Variants in DCBLD1 observed in about 807,000 individuals in gnomAD.
DCBLD1 encodes the protein discoidin, CUB and LCCL domain containing 1.
DCBLD1 carries 57 observed loss-of-function variants against 71.5 expected under a neutral mutation model. The observed-to-expected ratio is 0.80, with a 90% CI of 0.64 to 0.99. The LOEUF (loss-of-function observed/expected upper bound fraction) is 0.99, where lower values mean the gene tolerates loss of function less well. DCBLD1 is among the 50% of genes least tolerant of loss of function. The probability of loss-of-function intolerance (pLI) is 0.00; values close to 1 mark genes in which losing one functional copy is unlikely to be tolerated. For missense variants in DCBLD1, 891 were observed against 923.5 expected (o/e 0.96, Z 0.46); for synonymous variants, 380 against 363.8 (o/e 1.04, Z -0.51).
intron 8 of DCBLD1, 100 bp from the exon 9 acceptor site, chr6:117,539,155 G>A: frequency 9.0e-7 from 1 of 1,111,322 alleles, no homozygotes; most frequent in South Asian, 1.8e-5. Flanking sequence ...GATGATCTGA[G>A]GTTTCAAATG....
intron 2 of DCBLD1, among the ~76,000 whole-genome samples, chr6:117,513,896 GT>G (rs1235578487): frequency 3.0e-5 from 4 of 132,372 alleles, no homozygotes; most frequent in African/African-American, 1.1e-4. Flanking sequence ...CTTTTTAAAA[GT>G]CAGGAGACCT....
At position 117,548,676 on chromosome 6, in the gene DCBLD1, A is replaced by G. The variant is rs1396391678; in HGVS notation, c.*237A>G. 71 of 1,413,130 alleles carry G rather than the reference A, an allele frequency of 5.0e-5. No individual in the cohort carries two copies. Among genetic ancestry groups the G allele is most frequent in the Non-Finnish European group, 6.5e-5 (71 of 1,089,848 alleles). The allele number at this position is 1,413,130 out of a possible 1,614,324, so 87.5% of individuals were successfully genotyped here. A position where few individuals can be genotyped will look rare whatever the true frequency, so the allele number is the denominator to read the frequency against. ...TGTTGGGTTTTGTTGGGCTAGAAAA[A>G]TGAAAATTTTCAGATGGCGTTTTCA... is the stretch of plus-strand genomic sequence containing the variant. On this transcript the variant is annotated 3_prime_UTR_variant, in exon 15 of 15. Transcript: ENST00000338728.
intron 2 of DCBLD1, among the ~76,000 whole-genome samples, chr6:117,514,177 A>G (rs1778114656): frequency 6.6e-6 from 1 of 152,174 alleles, no homozygotes; most frequent in Non-Finnish European, 1.5e-5. Flanking sequence ...CGTCTGTCAG[A>G]CCTTGAGACA....
chr6:117,563,837 T>C (rs1779639319), intron 14 of DCBLD1, among the ~76,000 whole-genome samples: 1 of 152,160 alleles, frequency 6.6e-6, no homozygotes. Context: ...ATGCCTTATA[T>C]TAATCAAATC....
chr6:117,560,242 A>T (rs1187982155), intron 14 of DCBLD1: 1 of 170,088 alleles, frequency 5.9e-6, no homozygotes, highest in East Asian at 1.1e-4. Flanking sequence ...TAATAGAACT[A>T]CTAGAAATAA....
rs1777743599 is a variant in DCBLD1, at chr6:117,503,812, T to C, written c.158T>C (p.Met53Thr). 1 of 1,614,094 alleles carries C rather than the reference T, an allele frequency of 6.2e-7. No homozygotes were observed. The highest frequency in any genetic ancestry group is 8.5e-7 in the Non-Finnish European group (1 of 1,179,998). Residue 53 changes from methionine to threonine, a missense_variant, in exon 2 of 15, where the codon ATG becomes ACG. By Grantham distance (81) the Met-to-Thr change is moderately conservative (BLOSUM62 -1). Coordinates refer to ENST00000338728, the MANE Select transcript of DCBLD1 (RefSeq NM_001366458.2). ...GTGACTTATCAGGATAGTGGCACAATGACATCTAAGAATTATCCCGGGACC... is the reference window on the plus strand; with the variant it reads ...GTGACTTATCAGGATAGTGGCACAACGACATCTAAGAATTATCCCGGGACC... ...HLVTYQDSGT[M>T]TSKNYPGTYP...
chr6:117,559,708 T>G (rs1482101393), intron 14 of DCBLD1, among the ~76,000 whole-genome samples: 1 of 152,204 alleles, frequency 6.6e-6, no homozygotes, highest in Non-Finnish European at 1.5e-5. Flanking sequence ...ACTTTTAAAG[T>G]GTTTCTTTAA....
downstream of DCBLD1, among the ~76,000 whole-genome samples, chr6:117,550,208 T>G (rs1206647281): frequency 6.6e-6 from 1 of 152,166 alleles, no homozygotes; most frequent in African/African-American, 2.4e-5. Flanking sequence ...ACAGTTCTTC[T>G]GCGGCACTAG....
At position 117,519,850 on chromosome 6, in the gene DCBLD1, A is replaced by G; in HGVS notation, c.360A>G (p.Glu120=). Residue 120 remains glutamate, a synonymous_variant, in exon 3 of 15, where the codon GAA becomes GAG. Transcript: ENST00000338728. The stretch of plus-strand genomic sequence containing the variant: ...GTGGAAGTATGACTGTTCCCAAAGA[A>G]CTCTTGTTGAACACAAGTGAAGTAA... ...PYCGSMTVPK[E]LLLNTSEVTV... is the part of the protein sequence containing the mutation. 6.2e-7 allele frequency: 1 copy of G among 1,613,938 alleles called. No individual in the cohort carries two copies. Among genetic ancestry groups the G allele is most frequent in the Non-Finnish European group, 8.5e-7 (1 of 1,179,908 alleles).
chr6:117,554,850 G>A (rs1441435388), intron 14 of DCBLD1, among the ~76,000 whole-genome samples: 1 of 149,912 alleles, frequency 6.7e-6, no homozygotes, highest in Non-Finnish European at 1.5e-5. Context: ...CCGAGATCGA[G>A]TCACTGCACT....
intron 6 of DCBLD1, among the ~76,000 whole-genome samples, chr6:117,532,778 C>T (rs1482313411): frequency 6.6e-6 from 1 of 152,166 alleles, no homozygotes; most frequent in African/African-American, 2.4e-5. Flanking sequence ...ACTGAGCTCC[C>T]TAGAACACTC....
At chr6:117,542,830 G>T (rs777990785) in intron 11 of DCBLD1, among the ~76,000 whole-genome samples, 7 of 152,058 alleles carry the variant, frequency 4.6e-5, no homozygotes, top group African/African-American at 1.2e-4. Context: ...CCTCATTTCA[G>T]ATTTTTGGAG....
chr6:117,490,594 A>C (rs75609373), intron 1 of DCBLD1, among the ~76,000 whole-genome samples: 4,642 of 152,300 alleles, frequency 0.03, 80 homozygotes, highest in Non-Finnish European at 0.037. Flanking sequence ...AAGTATCAGA[A>C]AGGTAAGGTG....
intron 14 of DCBLD1, chr6:117,561,528 T>C (rs906429877): frequency 2.3e-5 from 5 of 214,388 alleles, no homozygotes; most frequent in African/African-American, 6.8e-5. Context: ...GCAGATCTCA[T>C]GTCATGCATG....
chr6:117,487,469 A>G (rs1474732256), intron 1 of DCBLD1, among the ~76,000 whole-genome samples: 1 of 152,080 alleles, frequency 6.6e-6, no homozygotes, highest in Non-Finnish European at 1.5e-5. Context: ...TAGCGAAAAT[A>G]CAATAAAACT....
intron 2 of DCBLD1, among the ~76,000 whole-genome samples, chr6:117,509,618 A>G (rs1278127127): frequency 6.6e-6 from 1 of 151,590 alleles, no homozygotes; most frequent in Non-Finnish European, 1.5e-5. Flanking sequence ...CCCTCTTCCC[A>G]GCCGCCTCTT....
chr6:117,503,328 A>G (rs1159340789), intron 1 of DCBLD1, among the ~76,000 whole-genome samples: 3 of 152,232 alleles, frequency 2.0e-5, no homozygotes. Flanking sequence ...TCAGATTCTA[A>G]CAGGAGCATT....
chr6:117,543,836 C>T (rs747795775), intron 12 of DCBLD1, among the ~76,000 whole-genome samples: 1 of 152,130 alleles, frequency 6.6e-6, no homozygotes, highest in Non-Finnish European at 1.5e-5. Flanking sequence ...CAAGCTGCCC[C>T]GTAACTCAGC....
chr6:117,567,465 C>A (rs1017428744), intron 14 of DCBLD1, among the ~76,000 whole-genome samples: 2 of 151,972 alleles, frequency 1.3e-5, no homozygotes, highest in African/African-American at 4.8e-5. Context: ...TTCAAGAAAC[C>A]CCTAGAAAAT....
Sources: allele counts gnomAD v4.1 joint callset (sites outside exome capture counted in the v4.1 genomes callset), GRCh38; gene constraint gnomAD v4.1.1; transcripts MANE v1.5; gene names NCBI Gene and HGNC (gene_info 2026-07-23, HGNC 2026-07-21).